TYR: variants seen among roughly 807,000 people sequenced by gnomAD.
TYR encodes tyrosinase.
TYR carries 58 observed loss-of-function variants against 51.5 expected under a neutral mutation model. The ratio of observed to expected loss-of-function variants is 1.13; its 90% CI spans 0.91 to 1.40. The LOEUF (loss-of-function observed/expected upper bound fraction) is 1.40. Among genes scored for constraint, TYR ranks in the 40% most tolerant of loss-of-function variants. The pLI is 0.00. For synonymous variants in TYR, 263 were observed against 235.2 expected (o/e 1.12, Z -1.08); for missense variants, 732 against 647.4 (o/e 1.13, Z -1.42).
Position 89,234,974 on chromosome 11 carries a change from T to TAA in TYR, c.1184+7017_1184+7018dup, listed in dbSNP as rs533895496. 9.6e-5 allele frequency among the ~76,000 whole-genome samples: 13 copies of TAA among 135,804 alleles called. No homozygotes were observed. In the East Asian group the frequency reaches 1.5e-3, roughly 15 times the overall value. The allele number at this position is 135,804 out of a possible 152,430, so 89.1% of individuals were successfully genotyped here. On this transcript the variant is annotated intron_variant, in intron 3 of 4. Coordinates refer to ENST00000263321, the MANE Select transcript of TYR (RefSeq NM_000372.5). The stretch of plus-strand genomic sequence containing the variant: ...AAGGTTGCCAGAAACCTTCAATTTG[T>TAA]AAAAAAAAAAAAAATGCAGTATCTG...
At chr11:89,283,789 C>T (rs1444668507) in intron 3 of TYR, 3 of 151,866 alleles carry the variant, frequency 2.0e-5, no homozygotes, top group Non-Finnish European at 2.9e-5. Context: ...TCCATTCTTA[C>T]TGGACTTTTT....
At chr11:89,221,410 CTAAT>C (rs1181309285) in intron 2 of TYR, among the ~76,000 whole-genome samples, 7 of 152,266 alleles carry the variant, frequency 4.6e-5, no homozygotes, top group African/African-American at 1.2e-4. Flanking sequence ...AACATAAATG[CTAAT>C]TAATTACATT....
chr11:89,280,095 A>C (rs1944704033), intron 3 of TYR, among the ~76,000 whole-genome samples: 1 of 151,612 alleles, frequency 6.6e-6, no homozygotes. Context: ...CCTTTGAAAT[A>C]TCTCTAACAT....
intron 2 of TYR, among the ~76,000 whole-genome samples, chr11:89,215,225 T>G (rs976612029): frequency 6.6e-6 from 1 of 152,170 alleles, no homozygotes. Flanking sequence ...AGGCTACTTA[T>G]AGCTGACTTC....
At position 89,227,895 on chromosome 11, in the gene TYR, T is replaced by C. The variant is rs61754385; in HGVS notation, c.1109T>C (p.Met370Thr). 1 of 1,613,666 alleles carries C rather than the reference T, an allele frequency of 6.2e-7. No individual in the cohort carries two copies. The highest frequency in any genetic ancestry group is 1.3e-5 in the African/African-American group (1 of 75,028). The change falls in exon 3 of 5, where the codon ATG (methionine) becomes ACG (threonine). Residue 370 changes from methionine to threonine, a missense_variant. Coordinates refer to ENST00000263321, the MANE Select transcript of TYR (RefSeq NM_000372.5). ...ATGCACAATGCCTTGCACATCTATA[T>C]GAATGGAACAATGTCCCAGGTACAG... ...SSMHNALHIY[M>T]NGTMSQVQGS...
intron 2 of TYR, among the ~76,000 whole-genome samples, chr11:89,212,335 A>C (rs1943769961): frequency 6.6e-6 from 1 of 152,134 alleles, no homozygotes. Flanking sequence ...TAGAAAATCT[A>C]GAAGAAATGG....
intron 2 of TYR, among the ~76,000 whole-genome samples, chr11:89,225,545 G>T (rs987764412): frequency 4.0e-5 from 6 of 151,584 alleles, no homozygotes; most frequent in African/African-American, 1.5e-4. Flanking sequence ...TAATTGTGTA[G>T]AAAAATAGTA....
In TYR at chr11:89,183,269, C is replaced by T. The variant is rs574565856; in HGVS notation, c.819+4497C>T. Among the ~76,000 whole-genome samples the T allele has an allele frequency of 1.4e-4, 22 of 151,946 alleles. No homozygotes were observed. The South Asian group carries it at 3.5e-3, about 24-fold the overall frequency. On this transcript the variant is annotated intron_variant, in intron 1 of 4. Transcript: ENST00000263321. ...TTTTCTTTGACTTGGAACACTTGAT[C>T]GTCCCCCCAGCATATGTTATAAATC...
intron 1 of TYR, among the ~76,000 whole-genome samples, chr11:89,187,022 G>C (rs1010627759): frequency 2.0e-5 from 3 of 152,134 alleles, no homozygotes; most frequent in Non-Finnish European, 4.4e-5. Context: ...ATAAATGTCT[G>C]CTGTTTAAGC....
intron 1 of TYR, among the ~76,000 whole-genome samples, chr11:89,187,723 A>G (rs1943393568): frequency 6.6e-6 from 1 of 152,144 alleles, no homozygotes; most frequent in African/African-American, 2.4e-5. Flanking sequence ...TGGAAATATC[A>G]AAAGAACTCC....
chr11:89,255,409 T>A (rs1944378793), intron 3 of TYR, among the ~76,000 whole-genome samples: 1 of 151,424 alleles, frequency 6.6e-6, no homozygotes, highest in Non-Finnish European at 1.5e-5. Flanking sequence ...AAAAATAAAT[T>A]AAATAAATAA....
Position 89,280,164 on chromosome 11 carries a change from A to G in TYR, c.1185-4609A>G, listed in dbSNP as rs192652652. ...TAGTTTATGGCACTAAAAGATGCTC[A>G]ACATTCATCTTGTATATTTCTTACC... On this transcript the variant is annotated intron_variant, in intron 3 of 4. Transcript: ENST00000263321. Among the ~76,000 whole-genome samples, 158 of 151,736 alleles carry G rather than the reference A, an allele frequency of 1.0e-3. 1 individual carries two copies. Among genetic ancestry groups the G allele is most frequent in the African/African-American group, 3.6e-3 (151 of 41,470 alleles).
At chr11:89,227,359 T>C (rs1420650100) in intron 2 of TYR, among the ~76,000 whole-genome samples, 1 of 152,040 alleles carries the variant, frequency 6.6e-6, no homozygotes, top group Non-Finnish European at 1.5e-5. Flanking sequence ...ATGTGAAGAG[T>C]CACAAATTTT....
At chr11:89,251,866 A>C (rs1331316387) in intron 3 of TYR, among the ~76,000 whole-genome samples, 2 of 151,948 alleles carry the variant, frequency 1.3e-5, no homozygotes, top group South Asian at 2.1e-4. Flanking sequence ...ACAGTTGCTC[A>C]TATCAGTTAA....
intron 3 of TYR, among the ~76,000 whole-genome samples, chr11:89,247,174 C>T (rs1459204338): frequency 1.3e-5 from 2 of 152,128 alleles, no homozygotes; most frequent in African/African-American, 4.8e-5. Context: ...AGCTCTTATA[C>T]CACTCTGTGC....
intron 3 of TYR, among the ~76,000 whole-genome samples, chr11:89,244,806 A>T (rs6483007): frequency 0.02 from 3,089 of 152,304 alleles, 97 homozygotes; most frequent in African/African-American, 0.069. Context: ...TTTATGTGTC[A>T]TGTGTTATAT....
intron 3 of TYR, among the ~76,000 whole-genome samples, chr11:89,269,353 G>A (rs1944562627): frequency 6.6e-6 from 1 of 151,880 alleles, no homozygotes; most frequent in Non-Finnish European, 1.5e-5. Flanking sequence ...GGCCAGTGTG[G>A]CCTGGCTCAT....
chr11:89,248,868 A>AT (rs1019251547), intron 3 of TYR, among the ~76,000 whole-genome samples: 3 of 152,110 alleles, frequency 2.0e-5, no homozygotes, highest in African/African-American at 4.8e-5. Flanking sequence ...AACCTTATGT[A>AT]TTTCAGAGGT....
chr11:89,255,556 G>T (rs976931198), intron 3 of TYR, among the ~76,000 whole-genome samples: 1 of 151,692 alleles, frequency 6.6e-6, no homozygotes, highest in Non-Finnish European at 1.5e-5. Context: ...TTGTAGAAAA[G>T]ATTTAAAATT....
Sources: allele counts gnomAD v4.1 joint callset (sites outside exome capture counted in the v4.1 genomes callset), GRCh38; gene constraint gnomAD v4.1.1; transcripts MANE v1.5; gene names NCBI Gene and HGNC (gene_info 2026-07-23, HGNC 2026-07-21).